The following POC5 variants were observed in gnomAD, a reference collection of about 807,000 sequenced individuals.
The protein encoded by POC5 is POC5 centriolar protein.
Under a neutral mutation model 62.9 loss-of-function variants are expected in POC5, and 48 were observed. The ratio of observed to expected loss-of-function variants is 0.76; its 90% CI spans 0.61 to 0.97. The LOEUF (loss-of-function observed/expected upper bound fraction) is 0.97, where lower values mean the gene tolerates loss of function less well. Ranked by LOEUF, POC5 falls within the 50% of genes least tolerant of loss-of-function variation. The pLI, the probability that POC5 is intolerant of heterozygous loss-of-function variation, is 0.00. For missense variants in POC5, 696 were observed against 679.5 expected (o/e 1.02, Z -0.27); for synonymous variants, 236 against 228.2 (o/e 1.03, Z -0.31).
intron 10 of POC5, among the ~76,000 whole-genome samples, chr5:75,680,506 A>T (rs1344943763): frequency 6.6e-6 from 1 of 152,154 alleles, no homozygotes; most frequent in Non-Finnish European, 1.5e-5. Flanking sequence ...TGAATTAAAT[A>T]GAAGTTGTCT....
chr5:75,704,131 G>T (rs1203749587), intron 4 of POC5, among the ~76,000 whole-genome samples: 1 of 149,748 alleles, frequency 6.7e-6, no homozygotes, highest in Non-Finnish European at 1.5e-5. Context: ...TCTAGCCTGG[G>T]TGATAGAGCG....
Position 75,685,325 on chromosome 5 carries a change from G to C in POC5, c.1289C>G (p.Thr430Ser), listed in dbSNP as rs757044608. Reference protein sequence around the residue: ...PPAAVGGASATAVPSAASMTS... With the variant: ...PPAAVGGASASAVPSAASMTS... ...CATCGAAGCAGCTGAGGGAACGGCA[G>C]TCGCGCTGGCTCCTCCGACGGCGGC... The change falls in exon 10 of 12, where the codon ACT becomes AGT. Residue 430 changes from threonine (T) to serine (S), a missense_variant. Transcript: ENST00000428202. 1.9e-6 allele frequency: 3 copies of C among 1,614,050 alleles called. No homozygotes were observed. Among genetic ancestry groups the C allele is most frequent in the East Asian group, 4.5e-5 (2 of 44,890 alleles).
intron 11 of POC5, among the ~76,000 whole-genome samples, chr5:75,675,153 G>A (rs143016542): frequency 1.3e-5 from 2 of 152,274 alleles, no homozygotes; most frequent in African/African-American, 4.8e-5. Context: ...CCTCAGACAT[G>A]AGCACTGAGT....
intron 10 of POC5, among the ~76,000 whole-genome samples, chr5:75,683,445 G>A (rs113295734): frequency 0.076 from 11,570 of 151,920 alleles, 462 homozygotes; most frequent in South Asian, 0.11. Context: ...ATCTTGGCCA[G>A]GCTGGTCTTG....
At chr5:75,712,176 A>G (rs1777373058) in intron 2 of POC5, 2 of 260,128 alleles carry the variant, frequency 7.7e-6, no homozygotes, top group Admixed American at 1.3e-4. Flanking sequence ...AGAATCAATA[A>G]CAATTTCATA....
At position 75,717,354 on chromosome 5, in the gene POC5, C is replaced by G. The variant is rs1561487869; in HGVS notation, c.-63G>C. On this transcript the variant is annotated 5_prime_UTR_variant, in exon 1 of 12. Coordinates refer to ENST00000428202, the MANE Select transcript of POC5 (RefSeq NM_001099271.2). ...CGACTCCTCGCTCTGCGCCTCTTAG[C>G]CGCGTCGCAGCTGCAGTGTCAGCAA... is the stretch of plus-strand genomic sequence containing the variant. The G allele has an allele frequency of 6.6e-6, 1 of 152,290 alleles. No individual in the cohort carries two copies. Among genetic ancestry groups the G allele is most frequent in the East Asian group, 1.9e-4 (1 of 5,194 alleles). 9.4% of individuals were successfully genotyped at this position (152,290 alleles called of 1,614,324 possible).
intron 5 of POC5, among the ~76,000 whole-genome samples, chr5:75,699,713 G>C (rs1776780728): frequency 1.4e-5 from 2 of 146,508 alleles, no homozygotes; most frequent in Non-Finnish European, 3.0e-5. Flanking sequence ...GGAAGTTCTG[G>C]CCAGGGCAAT....
At chr5:75,678,208 G>A (rs1250434844) in intron 10 of POC5, among the ~76,000 whole-genome samples, 2 of 150,986 alleles carry the variant, frequency 1.3e-5, no homozygotes, top group South Asian at 4.2e-4. Context: ...TTTTTTAAAT[G>A]ATAGATTTAT....
chr5:75,713,385 T>C (rs1438374783), intron 1 of POC5, among the ~76,000 whole-genome samples: 3 of 152,200 alleles, frequency 2.0e-5, no homozygotes, highest in Non-Finnish European at 4.4e-5. Flanking sequence ...GAATCAAATA[T>C]ATGCATAGAG....
intron 11 of POC5, among the ~76,000 whole-genome samples, chr5:75,675,698 C>T (rs1233088740): frequency 1.3e-5 from 2 of 152,174 alleles, no homozygotes; most frequent in South Asian, 2.1e-4. Context: ...AGTTGCCAGT[C>T]ACCTAATTAG....
At chr5:75,698,325 T>A (rs1208123694) in intron 5 of POC5, among the ~76,000 whole-genome samples, 1 of 150,338 alleles carries the variant, frequency 6.7e-6, no homozygotes, top group African/African-American at 2.5e-5. Context: ...GAAGTAAAGC[T>A]CTCCTCAGCA....
rs748736878 is a variant in POC5, at chr5:75,685,223, GC to G, written c.1390del (p.Ala464LeufsTer12). ...SALGAGSAAT[A>X]ASEEMYVPRV... is the part of the protein sequence containing the mutation. ...TGTACTAACCATTTCTTCTGATGCAGCAGTAGCTGCAGATCCTGCACCAAGA... is the reference window on the plus strand; with the variant it reads ...TGTACTAACCATTTCTTCTGATGCAGAGTAGCTGCAGATCCTGCACCAAGA... On this transcript the variant is annotated frameshift_variant, in exon 10 of 12. Coordinates refer to ENST00000428202, the MANE Select transcript of POC5 (RefSeq NM_001099271.2). LOFTEE classifies it high-confidence loss of function. 1 of 1,612,620 alleles carries G rather than the reference GC, an allele frequency of 6.2e-7. No homozygotes were observed.
intron 10 of POC5, 74 bp from the exon 11 acceptor site, chr5:75,678,024 T>A: frequency 1.6e-6 from 2 of 1,214,638 alleles, no homozygotes; most frequent in Non-Finnish European, 2.2e-6. Context: ...ATTCCATAAA[T>A]TATGAAGAAT....
In POC5 at chr5:75,685,387, G is replaced by A. The variant is rs1034517355; in HGVS notation, c.1227C>T (p.Pro409=). 1.2e-5 allele frequency: 20 copies of A among 1,613,906 alleles called. No homozygotes were observed. Among genetic ancestry groups the A allele is most frequent in the Non-Finnish European group, 1.7e-5 (20 of 1,179,910 alleles). The change falls in exon 10 of 12, where the codon CCC becomes CCT. Residue 409 remains proline, a synonymous_variant. Transcript: ENST00000428202. ...GCAGCAGTGGTGATGTAACTGGTAAGGGCATCGGAGGAGCTGAAGGATCCA... is the reference window on the plus strand; with the variant it reads ...GCAGCAGTGGTGATGTAACTGGTAAAGGCATCGGAGGAGCTGAAGGATCCA... ...AHLDPSAPPM[P]LPVTSPLLPS...
At chr5:75,690,311 ATTAATTAATAG>A in intron 8 of POC5, 61 bp downstream of exon 8, 1 of 1,317,414 alleles carries the variant, frequency 7.6e-7, no homozygotes, top group African/African-American at 1.5e-5. Flanking sequence ...GAAGAAGTCT[ATTAATTAATAG>A]TGAGTCTATC....
chr5:75,693,584 A>G (rs967233292), intron 6 of POC5, among the ~76,000 whole-genome samples: 1 of 152,180 alleles, frequency 6.6e-6, no homozygotes, highest in Non-Finnish European at 1.5e-5. Flanking sequence ...CAGAATTTTG[A>G]GTATAACAAA....
chr5:75,712,618 T>C, intron 2 of POC5: 2 of 778,232 alleles, frequency 2.6e-6, no homozygotes, highest in South Asian at 1.6e-5. Context: ...TCTTACTGTG[T>C]TGGTTGAAGC....
At chr5:75,684,363 ATTTTTT>A (rs749361349) in intron 10 of POC5, among the ~76,000 whole-genome samples, 1 of 132,708 alleles carries the variant, frequency 7.5e-6, no homozygotes, top group Non-Finnish European at 1.6e-5. Context: ...TTCCTACATA[ATTTTTT>A]TTTTTTTTTT....
intron 1 of POC5, among the ~76,000 whole-genome samples, chr5:75,713,949 G>C (rs1580069392): frequency 6.6e-6 from 1 of 152,300 alleles, no homozygotes; most frequent in Middle Eastern, 3.4e-3. Flanking sequence ...AAAGTAAGGA[G>C]CAGCCAGATC....
Sources: gnomAD v4.1 joint callset for allele counts (sites outside exome capture counted in the v4.1 genomes callset) on GRCh38, gnomAD v4.1.1 for gene constraint, MANE v1.5 for transcripts, NCBI Gene and HGNC (gene_info 2026-07-23, HGNC 2026-07-21) for gene names.